RAB3GAP2: variants seen among roughly 807,000 people sequenced by gnomAD.
RAB3GAP2 encodes rab3 GTPase-activating protein non-catalytic subunit.
Under a neutral mutation model 185.3 loss-of-function variants are expected in RAB3GAP2, and 87 were observed. The observed-to-expected ratio is 0.47, with a 90% CI of 0.39 to 0.56. RAB3GAP2 has a LOEUF of 0.56. RAB3GAP2 is among the 20% of genes least tolerant of loss of function. The pLI is 0.00. For synonymous variants in RAB3GAP2, 554 were observed against 576.1 expected, an observed-to-expected ratio of 0.96 and a Z score of 0.55; for missense variants, 1,492 against 1,638.2, an observed-to-expected ratio of 0.91 and a Z score of 1.54.
chr1:220,233,444 G>A (rs760048936), intron 1 of RAB3GAP2, among the ~76,000 whole-genome samples: 2 of 152,144 alleles, frequency 1.3e-5, no homozygotes, highest in African/African-American at 4.8e-5. Context: ...ATGCAACAAG[G>A]AATGTAAAAG....
intron 2 of RAB3GAP2, among the ~76,000 whole-genome samples, chr1:220,217,660 T>C (rs577446526): frequency 6.6e-6 from 1 of 152,170 alleles, no homozygotes; most frequent in East Asian, 1.9e-4. Flanking sequence ...AATATAGGAG[T>C]AAATAACAGC....
chr1:220,167,727 T>C (rs748270211), intron 24 of RAB3GAP2, 52 bp from the exon 25 acceptor site: 2 of 1,563,654 alleles, frequency 1.3e-6, no homozygotes, highest in East Asian at 2.2e-5. Flanking sequence ...CACAGGGCAG[T>C]GTTTGCCAAT....
At chr1:220,238,256 G>C (rs757440248) in intron 1 of RAB3GAP2, among the ~76,000 whole-genome samples, 1 of 152,068 alleles carries the variant, frequency 6.6e-6, no homozygotes, top group Non-Finnish European at 1.5e-5. Context: ...TTTTGCCCAG[G>C]CTGGTGATGT....
Position 220,184,125 on chromosome 1 carries a change from C to T in RAB3GAP2, c.1909G>A (p.Ala637Thr), listed in dbSNP as rs1658467519. 1 of 1,610,666 alleles carries T rather than the reference C, an allele frequency of 6.2e-7. No individual in the cohort carries two copies. The highest frequency in any genetic ancestry group is 1.7e-5 in the Admixed American group (1 of 59,954). ...AGTTGCAGCAGTTTTAGTTTATTGG[C>T]ACAAAACTGTAGCAATCCTTCATCA... is the stretch of plus-strand genomic sequence containing the variant. The part of the protein sequence containing the change: ...SVDEGLLQFC[A>T]NKLKLLQLYE... Residue 637 changes from alanine (A) to threonine (T), a missense_variant, in exon 19 of 35, where the codon GCC (alanine) becomes ACC (threonine). Coordinates refer to ENST00000358951, the MANE Select transcript of RAB3GAP2 (RefSeq NM_012414.4).
At chr1:220,262,049 G>A (rs946775104) in intron 1 of RAB3GAP2, among the ~76,000 whole-genome samples, 3 of 151,580 alleles carry the variant, frequency 2.0e-5, no homozygotes, top group African/African-American at 7.3e-5. Flanking sequence ...CAGCACTTTG[G>A]GAGGCCAAGG....
intron 1 of RAB3GAP2, among the ~76,000 whole-genome samples, chr1:220,238,262 G>A (rs1468729343): frequency 6.6e-6 from 1 of 152,110 alleles, no homozygotes; most frequent in African/African-American, 2.4e-5. Flanking sequence ...CCAGGCTGGT[G>A]ATGTGTGTTT....
intron 1 of RAB3GAP2, among the ~76,000 whole-genome samples, chr1:220,258,263 C>A (rs538942713): frequency 2.0e-4 from 31 of 152,218 alleles, no homozygotes; most frequent in African/African-American, 7.5e-4. Context: ...GATACCAAAA[C>A]CCGGCAGAGA....
chr1:220,205,812 T>C, intron 8 of RAB3GAP2, 95 bp downstream of exon 8: 1 of 972,212 alleles, frequency 1.0e-6, no homozygotes, highest in Non-Finnish European at 1.6e-6. Flanking sequence ...TCAGAAGGCC[T>C]TTTTTATTTA....
intron 1 of RAB3GAP2, among the ~76,000 whole-genome samples, chr1:220,247,496 C>T (rs1428414453): frequency 6.6e-6 from 1 of 152,110 alleles, no homozygotes; most frequent in African/African-American, 2.4e-5. Context: ...AGTGAAGTAA[C>T]TCAGGAATGG....
intron 1 of RAB3GAP2, among the ~76,000 whole-genome samples, chr1:220,253,109 G>A (rs547012059): frequency 6.6e-5 from 10 of 152,212 alleles, no homozygotes; most frequent in African/African-American, 1.2e-4. Context: ...AGTTTACGAG[G>A]AAGGTTCCCC....
rs375108658 is a variant in RAB3GAP2 at position 220,159,390 on chromosome 1, C to A, written c.3257G>T (p.Arg1086Leu). ...VGKSPKDRLC[R>L]RDVGMSDTAM... ...AGCTATGGGAGATTCACTTACCCTTCGGCATAACCTATCTTTTGGTGATTT... is the reference window on the plus strand; with the variant it reads ...AGCTATGGGAGATTCACTTACCCTTAGGCATAACCTATCTTTTGGTGATTT... Residue 1086 changes from arginine to leucine, a missense_variant, in exon 29 of 35, where the codon CGA becomes CTA. Coordinates refer to ENST00000358951, the MANE Select transcript of RAB3GAP2 (RefSeq NM_012414.4). 11 of 1,603,824 alleles carry A rather than the reference C, an allele frequency of 6.9e-6. No individual in the cohort carries two copies. The African/African-American group carries it at 1.3e-4, about 20-fold the overall frequency.
chr1:220,270,090 A>G (rs1195497212), intron 1 of RAB3GAP2, among the ~76,000 whole-genome samples: 1 of 152,178 alleles, frequency 6.6e-6, no homozygotes, highest in Non-Finnish European at 1.5e-5. Context: ...CTCAAAACCA[A>G]TAAGCATTTT....
chr1:220,186,464 C>T (rs910607710), intron 17 of RAB3GAP2, among the ~76,000 whole-genome samples: 1 of 152,218 alleles, frequency 6.6e-6, no homozygotes, highest in East Asian at 1.9e-4. Flanking sequence ...GAGAAATGGG[C>T]TTAGAGGGTG....
Position 220,213,886 on chromosome 1 carries a change from C to G in RAB3GAP2, c.274G>C (p.Ala92Pro). 1 of 1,613,506 alleles carries G rather than the reference C, an allele frequency of 6.2e-7. No homozygotes were observed. Among genetic ancestry groups the G allele is most frequent in the Non-Finnish European group, 8.5e-7 (1 of 1,179,522 alleles). The change falls in exon 3 of 35, where the codon GCT (alanine) becomes CCT (proline). Residue 92 changes from alanine (A) to proline (P), a missense_variant. This residue lies in a region of RAB3GAP2 where 177 missense variants were observed against 160.6 expected (regional missense o/e 1.10). Transcript: ENST00000358951. ...AGAAATACAGCTTTTTGCTCTCGAGCTATCACCATAAGATCATTGGTTGGA... is the reference window on the plus strand; with the variant it reads ...AGAAATACAGCTTTTTGCTCTCGAGGTATCACCATAAGATCATTGGTTGGA... ...LSPTNDLMVIAREQKAVFLVP... is the reference protein window; with the variant it reads ...LSPTNDLMVIPREQKAVFLVP...
chr1:220,161,866 A>C (rs1485274236), intron 28 of RAB3GAP2, among the ~76,000 whole-genome samples: 1 of 152,238 alleles, frequency 6.6e-6, no homozygotes, highest in Non-Finnish European at 1.5e-5. Flanking sequence ...CCATTCAAAG[A>C]AAATATCTTG....
chr1:220,205,196 CT>C (rs1658941216), intron 8 of RAB3GAP2, among the ~76,000 whole-genome samples: 1 of 152,164 alleles, frequency 6.6e-6, no homozygotes, highest in Admixed American at 6.5e-5. Flanking sequence ...GATGAAATAT[CT>C]CTTCCAAAAG....
At chr1:220,260,318 A>G (rs1660737359) in intron 1 of RAB3GAP2, among the ~76,000 whole-genome samples, 1 of 89,504 alleles carries the variant, frequency 1.1e-5, no homozygotes, top group Non-Finnish European at 2.2e-5. Flanking sequence ...TATTCACAAT[A>G]CAATAGTAAA....
chr1:220,179,448 A>G (rs1658360365), intron 21 of RAB3GAP2, among the ~76,000 whole-genome samples: 1 of 152,152 alleles, frequency 6.6e-6, no homozygotes, highest in Non-Finnish European at 1.5e-5. Context: ...CCTCACTTTC[A>G]GGAATGGACA....
chr1:220,168,515 A>G (rs770421141), intron 24 of RAB3GAP2, among the ~76,000 whole-genome samples: 3 of 151,600 alleles, frequency 2.0e-5, no homozygotes, highest in Non-Finnish European at 4.4e-5. Context: ...ATCCTGTCTC[A>G]GGCTCCCAAG....
Sources: allele counts gnomAD v4.1 joint callset (sites outside exome capture counted in the v4.1 genomes callset), GRCh38; gene constraint gnomAD v4.1.1; regional missense constraint gnomAD v4.1.1; transcripts MANE v1.5; gene names NCBI Gene and HGNC (gene_info 2026-07-23, HGNC 2026-07-21).